The following OAS2 variants were observed in gnomAD, a reference collection of about 807,000 sequenced individuals.
OAS2 encodes 2'-5'-oligoadenylate synthetase 2, also known as 2'-5'-oligoadenylate synthase 2.
A neutral mutation model predicts 71.3 loss-of-function variants in OAS2; 67 were observed. The ratio of observed to expected loss-of-function variants is 0.94; its 90% confidence interval spans 0.77 to 1.15. The LOEUF (loss-of-function observed/expected upper bound fraction) is 1.15, where lower values mean the gene tolerates loss of function less well. Among genes scored for constraint, OAS2 ranks in the 50% most tolerant of loss-of-function variants. The pLI, the probability that OAS2 is intolerant of heterozygous loss-of-function variation, is 0.00. For synonymous variants in OAS2, 327 were observed against 321.8 expected (o/e 1.02, Z -0.17); for missense variants, 789 against 822.5 (o/e 0.96, Z 0.50).
chr12:113,009,844 C>T lies in OAS2; in HGVS notation c.*589C>T, dbSNP rs1565999173. ...TGGCCACCCAAGGATGTCTGCCACA[C>T]CTCTCCAAAGCCCTCCCTACCTACC... is the stretch of plus-strand genomic sequence containing the variant. On this transcript the variant is annotated 3_prime_UTR_variant, in exon 10 of 10. Transcript: ENST00000392583. The T allele has an allele frequency of 1.0e-6, 1 of 986,584 alleles. No homozygotes were observed. The highest frequency in any genetic ancestry group is 1.2e-6 in the Non-Finnish European group (1 of 830,978). 61.1% of individuals were successfully genotyped at this position (986,584 alleles called of 1,614,324 possible).
chr12:113,009,355 C>A lies in OAS2; in HGVS notation c.*100C>A. 1 of 1,537,208 alleles carries A rather than the reference C, an allele frequency of 6.5e-7. No individual in the cohort carries two copies. The highest frequency in any genetic ancestry group is 1.4e-5 in the African/African-American group (1 of 72,172). On this transcript the variant is annotated 3_prime_UTR_variant, in exon 10 of 10. Coordinates refer to ENST00000392583, the MANE Select transcript of OAS2 (RefSeq NM_002535.3). ...TAACTCAGACACAAATAAAGGAAAC[C>A]CAGCTCACAGGAGCTTAAACAGCTG...
At chr12:113,001,733 T>A (rs2044292268) in intron 5 of OAS2, among the ~76,000 whole-genome samples, 1 of 151,022 alleles carries the variant, frequency 6.6e-6, no homozygotes, top group African/African-American at 2.4e-5. Context: ...ATCTTATAAG[T>A]ACCCTTGTCC....
rs371714081 is a variant in OAS2 at position 113,006,429 on chromosome 12, C to T, written c.1485C>T (p.Gly495=). 25 of 1,570,778 alleles carry T rather than the reference C, an allele frequency of 1.6e-5. No homozygotes were observed. Among genetic ancestry groups the T allele is most frequent in the Non-Finnish European group, 2.0e-5 (23 of 1,147,846 alleles). Reference sequence around the variant, plus strand: ...TCATGCCAGGTCAGCTGAGTTCTGGCTCCACACCCAGCCCCGAGGTTTATG... The same window carrying T: ...TCATGCCAGGTCAGCTGAGTTCTGGTTCCACACCCAGCCCCGAGGTTTATG... ...AFNALGQLSS[G]STPSPEVYAG... is the part of the protein sequence containing the mutation. Residue 495 remains glycine (G), a synonymous_variant, in exon 8 of 10, where the codon GGC becomes GGT. Transcript: ENST00000392583.
At chr12:113,006,309 T>G (rs1478626672) in intron 7 of OAS2, 104 bp from the exon 8 acceptor site, 6 of 964,974 alleles carry the variant, frequency 6.2e-6, no homozygotes, top group Non-Finnish European at 7.4e-6. Flanking sequence ...CTAATACTAT[T>G]CACAGTAATT....
chr12:113,010,294 C>G lies in OAS2; in HGVS notation c.*1039C>G, dbSNP rs933694800. Reference sequence around the variant, plus strand: ...GTTACCTTCCCAGATACAGGTCCCCCCTTTTTTCCCCTAACTCTTTTAAGC... The same window carrying G: ...GTTACCTTCCCAGATACAGGTCCCCGCTTTTTTCCCCTAACTCTTTTAAGC... On this transcript the variant is annotated 3_prime_UTR_variant, in exon 10 of 10. Coordinates refer to ENST00000392583, the MANE Select transcript of OAS2 (RefSeq NM_002535.3). 149 of 1,511,536 alleles carry G rather than the reference C, an allele frequency of 9.9e-5. No homozygotes were observed. Among genetic ancestry groups the G allele is most frequent in the Non-Finnish European group, 1.2e-4 (136 of 1,133,920 alleles). The allele number at this position is 1,511,536 out of a possible 1,614,324, so 93.6% of individuals were successfully genotyped here.
intron 1 of OAS2, among the ~76,000 whole-genome samples, chr12:112,982,872 G>A (rs1235435322): frequency 6.6e-6 from 1 of 152,078 alleles, no homozygotes; most frequent in Non-Finnish European, 1.5e-5. Flanking sequence ...GGTCTGTTCA[G>A]GTTTTCTGTT....
intron 3 of OAS2, 30 bp from the exon 4 acceptor site, chr12:112,997,490 A>C (rs773444615): frequency 6.3e-7 from 1 of 1,585,724 alleles, no homozygotes; most frequent in Non-Finnish European, 8.6e-7. Context: ...AGATCCCCCA[A>C]TGAGCTGCTA....
chr12:112,989,192 C>T (rs753333684), intron 2 of OAS2, among the ~76,000 whole-genome samples: 7 of 152,168 alleles, frequency 4.6e-5, no homozygotes, highest in Non-Finnish European at 8.8e-5. Context: ...ATAAATCTCA[C>T]GAGATCTGAT....
rs748780958 is a variant in OAS2, at chr12:113,002,887, G to A, written c.1009-45G>A. ...AGGCAGGAAAAGAAGCCTTGGGTGG[G>A]CTTACAGGTGCCACTCACACTTGGG... On this transcript the variant is annotated intron_variant, in intron 5 of 9. Transcript: ENST00000392583. 7 of 1,591,332 alleles carry A rather than the reference G, an allele frequency of 4.4e-6. No individual in the cohort carries two copies. The East Asian group carries it at 1.3e-4, about 30-fold the overall frequency.
intron 5 of OAS2, among the ~76,000 whole-genome samples, chr12:113,000,528 ACACT>A (rs1247938966): frequency 2.9e-5 from 3 of 102,940 alleles, no homozygotes; most frequent in East Asian, 2.6e-4. Context: ...ATGCACACAC[ACACT>A]CACACATGCA....
chr12:113,007,706 G>A lies in OAS2; in HGVS notation c.1658G>A (p.Cys553Tyr). Residue 553 changes from cysteine (C) to tyrosine (Y), a missense_variant and splice_region_variant, in exon 9 of 10, where the codon TGT becomes TAT. Physicochemically the swap from Cys to Tyr is radical, Grantham distance 194. Transcript: ENST00000392583. ...TCTGATGTTCCCACTCTTACCTAGTGTGAAAGGAAACTGAAGCCAAAGGGG... is the reference window on the plus strand; with the variant it reads ...TCTGATGTTCCCACTCTTACCTAGTATGAAAGGAAACTGAAGCCAAAGGGG... ...IRLVKHWYKE[C>Y]ERKLKPKGSL... is the part of the protein sequence containing the mutation. 6.2e-7 allele frequency: 1 copy of A among 1,613,712 alleles called. No homozygotes were observed. Among genetic ancestry groups the A allele is most frequent in the South Asian group, 1.1e-5 (1 of 91,010 alleles).
chr12:113,003,246 G>C, intron 6 of OAS2, 144 bp downstream of exon 6: 1 of 822,022 alleles, frequency 1.2e-6, no homozygotes, highest in Non-Finnish European at 2.0e-6. Flanking sequence ...AAGGGAACTA[G>C]GACACTAGTT....
chr12:113,002,948 C>T lies in OAS2; in HGVS notation c.1025C>T (p.Thr342Met), dbSNP rs574968398. The T allele has an allele frequency of 1.4e-5, 23 of 1,613,992 alleles. No individual in the cohort carries two copies. The highest frequency in any genetic ancestry group is 8.3e-5 in the Admixed American group (5 of 60,012). ...SWNVLPAPLF[T>M]TPGHLLDKFI... ...CTTCCCCAGCCTGCACCACTCTTCA[C>T]GACCCCAGGCCACCTTCTGGATAAG... The change falls in exon 6 of 10, where the codon ACG (threonine) becomes ATG (methionine). Residue 342 changes from threonine to methionine, a missense_variant. Thr to Met is a moderately conservative substitution (Grantham distance 81). Transcript: ENST00000392583.
chr12:112,987,985 G>A, intron 2 of OAS2: 1 of 985,416 alleles, frequency 1.0e-6, no homozygotes, highest in Non-Finnish European at 1.2e-6. Flanking sequence ...AAGATGGCTA[G>A]AGTGACTCCA....
chr12:112,980,328 T>A (rs2044068119), intron 1 of OAS2, among the ~76,000 whole-genome samples: 1 of 152,230 alleles, frequency 6.6e-6, no homozygotes, highest in African/African-American at 2.4e-5. Flanking sequence ...CCCATTGTGC[T>A]ATCAAACACT....
At chr12:112,991,352 A>G (rs1259615919) in intron 2 of OAS2, among the ~76,000 whole-genome samples, 2 of 152,236 alleles carry the variant, frequency 1.3e-5, no homozygotes, top group African/African-American at 4.8e-5. Context: ...GACAGGTCTC[A>G]GTTAGTTTAG....
chr12:112,982,012 C>G (rs1300691464), intron 1 of OAS2, among the ~76,000 whole-genome samples: 2 of 151,938 alleles, frequency 1.3e-5, no homozygotes, highest in Non-Finnish European at 2.9e-5. Flanking sequence ...TAGTTCATTA[C>G]TGATGTGTAG....
chr12:112,978,678 C>G lies in OAS2; in HGVS notation c.70C>G (p.Leu24Val). ...QKLGWFIQEYLKPYEECQTLI... is the reference protein window; with the variant it reads ...QKLGWFIQEYVKPYEECQTLI... ...GCTGGGTTGGTTTATCCAGGAATACCTGAAGCCCTACGAAGAATGTCAGAC... is the reference window on the plus strand; with the variant it reads ...GCTGGGTTGGTTTATCCAGGAATACGTGAAGCCCTACGAAGAATGTCAGAC... The change falls in exon 1 of 10, where the codon CTG becomes GTG. Residue 24 changes from leucine (L) to valine (V), a missense_variant. Physicochemically the swap from Leu to Val is conservative, Grantham distance 32. Transcript: ENST00000392583. The surrounding 1 kb of genome is among the most constrained non-coding windows in gnomAD (Gnocchi z 4.2). The G allele has an allele frequency of 6.2e-7, 1 of 1,614,140 alleles. No homozygotes were observed. The highest frequency in any genetic ancestry group is 8.5e-7 in the Non-Finnish European group (1 of 1,180,010).
intron 5 of OAS2, among the ~76,000 whole-genome samples, chr12:112,998,946 T>C (rs1422561021): frequency 1.3e-5 from 2 of 152,194 alleles, no homozygotes; most frequent in Non-Finnish European, 2.9e-5. Flanking sequence ...GGAGACACAG[T>C]TCAACCCATC....
Sources: allele counts gnomAD v4.1 joint callset (sites outside exome capture counted in the v4.1 genomes callset), GRCh38; gene constraint gnomAD v4.1.1; non-coding constraint Gnocchi (gnomAD v3.1); transcripts MANE v1.5; gene names NCBI Gene and HGNC (gene_info 2026-07-23, HGNC 2026-07-21).